PDCD6IP: variants seen among roughly 807,000 people sequenced by gnomAD.
The protein encoded by PDCD6IP is programmed cell death 6-interacting protein.
A neutral mutation model predicts 103.7 loss-of-function variants in PDCD6IP; 43 were observed. The observed-to-expected ratio is 0.41, with a 90% confidence interval of 0.32 to 0.53. The LOEUF is 0.53. PDCD6IP is among the 20% of genes least tolerant of loss of function. The pLI is 0.16. For missense variants in PDCD6IP, 871 were observed against 1,036.7 expected, an observed-to-expected ratio of 0.84 and a Z score of 2.20; for synonymous variants, 354 against 378.7, an observed-to-expected ratio of 0.93 and a Z score of 0.76.
At position 33,867,666 on chromosome 3, in the gene PDCD6IP, T is replaced by G. The variant is rs1021252098; in HGVS notation, c.*1141T>G. On this transcript the variant is annotated 3_prime_UTR_variant, in exon 18 of 18. Coordinates refer to ENST00000307296, the MANE Select transcript of PDCD6IP (RefSeq NM_013374.6). ...CTGCCATTAGGATATCTACTCACTG[T>G]ATAAACCTCAGTAAAAATAGTGAAG... 1 of 152,232 alleles carries G rather than the reference T, an allele frequency of 6.6e-6. No individual in the cohort carries two copies. The highest frequency in any genetic ancestry group is 1.5e-5 in the Non-Finnish European group (1 of 68,020). The allele number at this position is 152,232 out of a possible 1,614,324, so 9.4% of individuals were successfully genotyped here.
Position 33,864,086 on chromosome 3 carries a change from G to T in PDCD6IP, c.2201G>T (p.Gly734Val). ...TPAYQSSPAG[G>V]HAPTPPTPAP... is the part of the protein sequence containing the mutation. The stretch of plus-strand genomic sequence containing the variant: ...GCGTATCAGTCCTCACCAGCAGGAG[G>T]ACATGCACCAACTCCTCCAACTCCA... The change falls in exon 16 of 18, where the codon GGA (glycine) becomes GTA (valine). Residue 734 changes from glycine (G) to valine (V), a missense_variant. Coordinates refer to ENST00000307296, the MANE Select transcript of PDCD6IP (RefSeq NM_013374.6). 8 of 1,613,576 alleles carry T rather than the reference G, an allele frequency of 5.0e-6. No individual in the cohort carries two copies. The highest frequency in any genetic ancestry group is 6.8e-6 in the Non-Finnish European group (8 of 1,179,504).
rs533284758 is a variant in PDCD6IP, at chr3:33,867,622, A to G, written c.*1097A>G. On this transcript the variant is annotated 3_prime_UTR_variant, in exon 18 of 18. Transcript: ENST00000307296. ...ACATATGCCAATTATGGAATAGGCTATGTATTTAATATTAATCTCTGCCAT... is the reference window on the plus strand; with the variant it reads ...ACATATGCCAATTATGGAATAGGCTGTGTATTTAATATTAATCTCTGCCAT... The G allele has an allele frequency of 1.3e-5, 2 of 152,328 alleles. No individual in the cohort carries two copies. The highest frequency in any genetic ancestry group is 3.9e-4 in the East Asian group (2 of 5,188). 9.4% of individuals were successfully genotyped at this position (152,328 alleles called of 1,614,324 possible).
At chr3:33,819,351 A>G (rs1041399878) in intron 3 of PDCD6IP, among the ~76,000 whole-genome samples, 1 of 152,144 alleles carries the variant, frequency 6.6e-6, no homozygotes, top group Admixed American at 6.5e-5. Flanking sequence ...CTCTTTAAGG[A>G]ATGCTAATTG....
chr3:33,854,025 A>G lies in PDCD6IP; in HGVS notation c.2025+12A>G. On this transcript the variant is annotated intron_variant, in intron 14 of 17. Coordinates refer to ENST00000307296, the MANE Select transcript of PDCD6IP (RefSeq NM_013374.6). ...AGGAAGGCACAAAGGTATGAAGTAC[A>G]TGCAAAAGGAACCATAGCTAGCAAG... 1 of 1,562,218 alleles carries G rather than the reference A, an allele frequency of 6.4e-7. No individual in the cohort carries two copies. Among genetic ancestry groups the G allele is most frequent in the Non-Finnish European group, 8.6e-7 (1 of 1,162,614 alleles).
rs1271033257 is a variant in PDCD6IP at position 33,821,968 on chromosome 3, A to G, written c.348A>G (p.Leu116=). Residue 116 remains leucine, a synonymous_variant, in exon 4 of 18, where the codon TTA becomes TTG. Transcript: ENST00000307296. ...GGSVKLALAS[L]GYEKSCVLFN... ...AATTTTTTACAGCTCTTGCAAGCTT[A>G]GGATATGAAAAGAGCTGTGTGTTGT... The G allele has an allele frequency of 6.2e-7, 1 of 1,612,722 alleles. No homozygotes were observed. The highest frequency in any genetic ancestry group is 2.2e-5 in the East Asian group (1 of 44,866).
chr3:33,822,574 A>G (rs1323221529), intron 4 of PDCD6IP, among the ~76,000 whole-genome samples: 1 of 152,192 alleles, frequency 6.6e-6, no homozygotes, highest in African/African-American at 2.4e-5. Context: ...CAGACACATA[A>G]TGTTCATAAG....
At chr3:33,841,798 G>C in intron 9 of PDCD6IP, 99 bp from the exon 10 acceptor site, 2 of 830,404 alleles carry the variant, frequency 2.4e-6, no homozygotes, top group Non-Finnish European at 3.8e-6. Context: ...CTCCATTGCT[G>C]TTGATTTGGT....
intron 10 of PDCD6IP, among the ~76,000 whole-genome samples, chr3:33,842,774 T>C (rs1697506173): frequency 6.6e-6 from 1 of 152,216 alleles, no homozygotes; most frequent in African/African-American, 2.4e-5. Flanking sequence ...AAATTGACAT[T>C]GGTACAGTAT....
chr3:33,800,682 A>G (rs561486367), intron 1 of PDCD6IP, among the ~76,000 whole-genome samples: 3 of 152,326 alleles, frequency 2.0e-5, no homozygotes, highest in East Asian at 1.9e-4. Flanking sequence ...AACAATTTCA[A>G]GGTAATTTTT....
In PDCD6IP at chr3:33,867,418, T is replaced by C. The variant is rs1450468561; in HGVS notation, c.*893T>C. 6.6e-6 allele frequency: 1 copy of C among 152,204 alleles called. No individual in the cohort carries two copies. The highest frequency in any genetic ancestry group is 1.5e-5 in the Non-Finnish European group (1 of 68,028). The allele number at this position is 152,204 out of a possible 1,614,324, so 9.4% of individuals were successfully genotyped here. A position where few individuals can be genotyped will look rare whatever the true frequency, so the allele number is the denominator to read the frequency against. On this transcript the variant is annotated 3_prime_UTR_variant, in exon 18 of 18. Coordinates refer to ENST00000307296, the MANE Select transcript of PDCD6IP (RefSeq NM_013374.6). ...ATACGCCATTGGCAATACTTCATAA[T>C]GTAATGGAATTGTTTGGGGAACACT...
At chr3:33,860,212 G>A (rs1231728011) in intron 15 of PDCD6IP, among the ~76,000 whole-genome samples, 1 of 152,064 alleles carries the variant, frequency 6.6e-6, no homozygotes, top group African/African-American at 2.4e-5. Flanking sequence ...TAAAAATCAG[G>A]TTTGTTGTAA....
intron 7 of PDCD6IP, 88 bp downstream of exon 7, chr3:33,829,057 C>G: frequency 9.1e-7 from 1 of 1,101,442 alleles, no homozygotes; most frequent in Non-Finnish European, 1.3e-6. Flanking sequence ...CCCATAAAAA[C>G]CTTTCCCGTT....
intron 12 of PDCD6IP, among the ~76,000 whole-genome samples, chr3:33,848,652 C>T (rs1697648733): frequency 2.0e-5 from 3 of 152,168 alleles, no homozygotes; most frequent in Non-Finnish European, 4.4e-5. Context: ...ATCCACCCAC[C>T]TTGGCCTCCC....
Position 33,798,929 on chromosome 3 carries a change from G to T in PDCD6IP, c.201G>T (p.Thr67=). 1 of 1,528,018 alleles carries T rather than the reference G, an allele frequency of 6.5e-7. No homozygotes were observed. The allele number at this position is 1,528,018 out of a possible 1,614,324, so 94.7% of individuals were successfully genotyped here. ...ACAAGCACGAGGGCGCGCTCGAGAC[G>T]CTCCTGAGGTGGGCGCGGGGCTGGG... ...PLDKHEGALE[T]LLRYYDQICS... The change falls in exon 1 of 18, where the codon ACG becomes ACT. Residue 67 remains threonine (T), a synonymous_variant. Transcript: ENST00000307296.
At chr3:33,813,273 C>G in intron 2 of PDCD6IP, 1 of 232,156 alleles carries the variant, frequency 4.3e-6, no homozygotes, top group East Asian at 8.7e-5. Context: ...CAAGGATCTA[C>G]TACTTATTTT....
At chr3:33,864,601 G>A (rs1162004466) in intron 16 of PDCD6IP, among the ~76,000 whole-genome samples, 2 of 152,120 alleles carry the variant, frequency 1.3e-5, no homozygotes, top group East Asian at 3.9e-4. Context: ...GAGCTTTTTT[G>A]TGTTAATTAG....
intron 10 of PDCD6IP, among the ~76,000 whole-genome samples, chr3:33,842,539 TG>T (rs1258567156): frequency 6.6e-6 from 1 of 151,780 alleles, no homozygotes; most frequent in East Asian, 1.9e-4. Context: ...CTGTAGTTTT[TG>T]TGGGTTTGAG....
chr3:33,840,251 A>G (rs1000348510), intron 9 of PDCD6IP, among the ~76,000 whole-genome samples: 1 of 152,224 alleles, frequency 6.6e-6, no homozygotes, highest in South Asian at 2.1e-4. Context: ...GGAAGAGAAA[A>G]TATATTTACT....
intron 9 of PDCD6IP, among the ~76,000 whole-genome samples, chr3:33,841,532 G>T (rs1412018948): frequency 7.4e-6 from 1 of 135,984 alleles, no homozygotes; most frequent in Non-Finnish European, 1.5e-5. Context: ...TCCGCCTCCC[G>T]GGTTCACGCC....
Sources: gnomAD v4.1 joint callset for allele counts (sites outside exome capture counted in the v4.1 genomes callset) on GRCh38, gnomAD v4.1.1 for gene constraint, MANE v1.5 for transcripts, NCBI Gene and HGNC (gene_info 2026-07-23, HGNC 2026-07-21) for gene names.